Variants in CLVS1 observed in about 807,000 individuals in gnomAD.
The protein encoded by CLVS1 is clavesin 1.
A neutral mutation model predicts 33.1 loss-of-function variants in CLVS1; 10 were observed. That is an observed-to-expected ratio of 0.30 (90% CI 0.19 to 0.51). The LOEUF (loss-of-function observed/expected upper bound fraction) is 0.51, where lower values mean the gene tolerates loss of function less well. Among genes scored for constraint, CLVS1 ranks in the 20% least tolerant of loss-of-function variants. CLVS1 has a pLI of 0.97. For missense variants in CLVS1, 343 were observed against 433.4 expected, an observed-to-expected ratio of 0.79 and a Z score of 1.85; for synonymous variants, 163 against 166.1, an observed-to-expected ratio of 0.98 and a Z score of 0.14.
intron 3 of CLVS1, among the ~76,000 whole-genome samples, chr8:61,382,098 C>G (rs1298676643): frequency 6.6e-6 from 1 of 152,188 alleles, no homozygotes; most frequent in Admixed American, 6.5e-5. Flanking sequence ...ATGTTCACTT[C>G]TCTTTGGCAA....
intron 2 of CLVS1, among the ~76,000 whole-genome samples, chr8:61,249,802 A>G (rs1454987240): frequency 6.6e-6 from 1 of 152,100 alleles, no homozygotes; most frequent in Non-Finnish European, 1.5e-5. Context: ...TTCTTTGTAG[A>G]TTCTGGATAT....
intron 4 of CLVS1, among the ~76,000 whole-genome samples, chr8:61,454,686 T>A (rs1449838914): frequency 6.6e-6 from 1 of 152,260 alleles, no homozygotes; most frequent in Non-Finnish European, 1.5e-5. Flanking sequence ...CTGCATCACC[T>A]GTAAAGCTGG....
chr8:61,203,664 A>G (rs1807784973), intron 2 of CLVS1, among the ~76,000 whole-genome samples: 1 of 152,222 alleles, frequency 6.6e-6, no homozygotes, highest in African/African-American at 2.4e-5. Context: ...TATTTTTTAC[A>G]TGTCCCATGC....
intron 2 of CLVS1, among the ~76,000 whole-genome samples, chr8:61,155,321 C>T (rs78853945): frequency 5.9e-5 from 9 of 152,128 alleles, no homozygotes; most frequent in Middle Eastern, 3.2e-3. Flanking sequence ...GACAAACAAC[C>T]CGCAAGAAAA....
chr8:61,499,462 T>G lies in CLVS1; in HGVS notation c.985T>G (p.Ser329Ala). 6.2e-7 allele frequency: 1 copy of G among 1,612,188 alleles called. No individual in the cohort carries two copies. The highest frequency in any genetic ancestry group is 8.5e-7 in the Non-Finnish European group (1 of 1,178,308). ...CSPKLMKRSQ[S>A]VVEAGTLKHE... ...TCCCTCCCCTCTTGTTAGATCTCAG[T>G]CTGTGGTAGAAGCTGGGACCCTGAA... The change falls in exon 6 of 6, where the codon TCT becomes GCT. Residue 329 changes from serine (S) to alanine (A), a missense_variant. Around this residue, in one of 4 missense-constraint regions of CLVS1, gnomAD observed 86 missense variants for 95.0 expected, o/e 0.91. Transcript: ENST00000325897.
At chr8:61,081,121 A>T (rs941539680) in intron 1 of CLVS1, among the ~76,000 whole-genome samples, 1 of 152,136 alleles carries the variant, frequency 6.6e-6, no homozygotes, top group Non-Finnish European at 1.5e-5. Context: ...ATTTGGAAAG[A>T]ATTGGGAAGA....
At chr8:61,270,799 C>A (rs543864900) in intron 2 of CLVS1, among the ~76,000 whole-genome samples, 1 of 152,078 alleles carries the variant, frequency 6.6e-6, no homozygotes, top group Non-Finnish European at 1.5e-5. Flanking sequence ...AGTTTATTTG[C>A]GTAGAGATGT....
chr8:61,098,238 C>T (rs758638492), intron 1 of CLVS1, among the ~76,000 whole-genome samples: 9 of 151,994 alleles, frequency 5.9e-5, no homozygotes, highest in East Asian at 1.9e-4. Context: ...AGGTGAGGAT[C>T]GCCCTCATGG....
chr8:61,329,464 T>C (rs1373110199), intron 2 of CLVS1, among the ~76,000 whole-genome samples: 1 of 152,212 alleles, frequency 6.6e-6, no homozygotes, highest in East Asian at 1.9e-4. Context: ...GCAGTGTGAC[T>C]ACAGCTAATG....
chr8:61,188,647 T>A (rs544939720), intron 2 of CLVS1, among the ~76,000 whole-genome samples: 1 of 152,208 alleles, frequency 6.6e-6, no homozygotes, highest in African/African-American at 2.4e-5. Flanking sequence ...TTATAACATG[T>A]TAAACAATAG....
chr8:61,404,743 G>A (rs898900306), intron 3 of CLVS1, among the ~76,000 whole-genome samples: 1 of 152,210 alleles, frequency 6.6e-6, no homozygotes, highest in South Asian at 2.1e-4. Context: ...ATTGTTTGAG[G>A]ATGGAAGAGT....
chr8:61,096,127 A>T (rs1033849884), intron 1 of CLVS1, among the ~76,000 whole-genome samples: 2 of 151,982 alleles, frequency 1.3e-5, no homozygotes, highest in Admixed American at 1.3e-4. Context: ...TTTTTTTTCT[A>T]GCAAAGGCAC....
At chr8:61,338,305 C>T (rs1201441571) in intron 2 of CLVS1, among the ~76,000 whole-genome samples, 2 of 152,208 alleles carry the variant, frequency 1.3e-5, no homozygotes, top group East Asian at 3.9e-4. Flanking sequence ...TGTCATTTGC[C>T]ACGCATTTAC....
chr8:61,501,122 C>T lies in CLVS1; in HGVS notation c.*1580C>T, dbSNP rs927766965. 5 of 151,830 alleles carry T rather than the reference C, an allele frequency of 3.3e-5. No homozygotes were observed. The highest frequency in any genetic ancestry group is 2.1e-4 in the South Asian group (1 of 4,816). The allele number at this position is 151,830 out of a possible 1,614,324, so 9.4% of individuals were successfully genotyped here. A position where few individuals can be genotyped will look rare whatever the true frequency, so the allele number is the denominator to read the frequency against. On this transcript the variant is annotated 3_prime_UTR_variant, in exon 6 of 6. Coordinates refer to ENST00000325897, the MANE Select transcript of CLVS1 (RefSeq NM_173519.3). ...ACTAATTCATTTTTGTGTAGACATA[C>T]GAAATCACAAAAATAATAACACTGA...
At chr8:61,276,398 C>A (rs892819061) in intron 2 of CLVS1, among the ~76,000 whole-genome samples, 1 of 152,170 alleles carries the variant, frequency 6.6e-6, no homozygotes, top group Non-Finnish European at 1.5e-5. Flanking sequence ...ACAGTCCCAG[C>A]GGAAGGTGTA....
the CLVS1 span, among the ~76,000 whole-genome samples, chr8:61,013,415 C>G: frequency 3.3e-5 from 5 of 152,178 alleles, no homozygotes; most frequent in Non-Finnish European, 5.9e-5. Flanking sequence ...TTCCCCAGCT[C>G]CCAGCTGCAT....
In CLVS1 at chr8:61,461,290, T is replaced by C. The variant is rs1817357133; in HGVS notation, c.977+2748T>C. ...TTGGGGTATTGTCCCCATTAACTTT[T>C]TGTAAAGCATCAGTGATTTCACAAT... On this transcript the variant is annotated intron_variant, in intron 5 of 5. Transcript: ENST00000325897. Among the ~76,000 whole-genome samples, 3 of 152,240 alleles carry C rather than the reference T, an allele frequency of 2.0e-5. No homozygotes were observed. In the South Asian group the frequency reaches 6.2e-4, roughly 31 times the overall value.
rs950528307 is a variant in CLVS1 at position 61,315,902 on chromosome 8, C to T, written c.455+15620C>T. Reference sequence around the variant, plus strand: ...CTAGCCCCCAACTCCCCAATAGGCCCGGGTGTGTGATGGTCCCCTCCCTGT... The same window carrying T: ...CTAGCCCCCAACTCCCCAATAGGCCTGGGTGTGTGATGGTCCCCTCCCTGT... On this transcript the variant is annotated intron_variant, in intron 2 of 5. Coordinates refer to ENST00000325897, the MANE Select transcript of CLVS1 (RefSeq NM_173519.3). Among the ~76,000 whole-genome samples the T allele has an allele frequency of 7.2e-5, 11 of 152,144 alleles. 1 individual carries two copies. Among genetic ancestry groups the T allele is most frequent in the South Asian group, 2.1e-4 (1 of 4,798 alleles).
chr8:61,048,477 C>T, the CLVS1 span, among the ~76,000 whole-genome samples: 1 of 152,204 alleles, frequency 6.6e-6, no homozygotes, highest in Non-Finnish European at 1.5e-5. Flanking sequence ...CTTGAATCCA[C>T]TTTCCTGGGC....
Sources: gnomAD v4.1 joint callset for allele counts (sites outside exome capture counted in the v4.1 genomes callset) on GRCh38, gnomAD v4.1.1 for gene constraint, gnomAD v4.1.1 regional missense constraint, MANE v1.5 for transcripts, NCBI Gene and HGNC (gene_info 2026-07-23, HGNC 2026-07-21) for gene names.